Variants in DNAJB6 observed in about 807,000 individuals in gnomAD.
DNAJB6 encodes DnaJ heat shock protein family (Hsp40) member B6.
In DNAJB6, 16 loss-of-function variants were observed where a neutral mutation model predicts 42.7. The ratio of observed to expected loss-of-function variants is 0.37; its 90% CI spans 0.25 to 0.57. DNAJB6 has a LOEUF of 0.57. Among genes scored for constraint, DNAJB6 ranks in the 20% least tolerant of loss-of-function variants. The probability of loss-of-function intolerance (pLI) is 0.74; values close to 1 mark genes in which losing one functional copy is unlikely to be tolerated. For missense variants in DNAJB6, 347 were observed against 416.8 expected (o/e 0.83, Z 1.46); for synonymous variants, 170 against 163.5 (o/e 1.04, Z -0.30).
intron 9 of DNAJB6, chr7:157,413,647 C>T (rs1046878240): frequency 5.9e-5 from 9 of 152,010 alleles, no homozygotes; most frequent in African/African-American, 2.2e-4. Context: ...GTGCCCAAGG[C>T]CATGTCTGTG....
intron 5 of DNAJB6, among the ~76,000 whole-genome samples, chr7:157,370,601 A>G (rs993574274): frequency 1.3e-5 from 2 of 151,852 alleles, no homozygotes; most frequent in East Asian, 3.8e-4. Context: ...ATGTGAGTGA[A>G]TAAGTGAGTT....
chr7:157,346,153 A>G (rs1352008903), intron 1 of DNAJB6, among the ~76,000 whole-genome samples: 1 of 152,106 alleles, frequency 6.6e-6, no homozygotes, highest in East Asian at 1.9e-4. Flanking sequence ...TGGGCGGGCC[A>G]GAAGGATTCA....
At chr7:157,375,518 T>C (rs1171542931) in intron 5 of DNAJB6, among the ~76,000 whole-genome samples, 1 of 152,280 alleles carries the variant, frequency 6.6e-6, no homozygotes, top group Non-Finnish European at 1.5e-5. Context: ...TATGGGAAGC[T>C]GAAAATGGTG....
At chr7:157,360,973 T>A (rs770398930) in intron 2 of DNAJB6, among the ~76,000 whole-genome samples, 1 of 152,200 alleles carries the variant, frequency 6.6e-6, no homozygotes, top group Non-Finnish European at 1.5e-5. Flanking sequence ...ATTTTAGTAG[T>A]GTATGACTGG....
chr7:157,365,153 C>T (rs1251219613), intron 3 of DNAJB6, among the ~76,000 whole-genome samples: 3 of 152,122 alleles, frequency 2.0e-5, no homozygotes, highest in Non-Finnish European at 2.9e-5. Context: ...GGGATTTTGC[C>T]GTGTTGCCCA....
At chr7:157,337,795 A>G (rs1021269700) in intron 1 of DNAJB6, 1 of 152,186 alleles carries the variant, frequency 6.6e-6, no homozygotes, top group African/African-American at 2.4e-5. Context: ...GTTTACATTA[A>G]CTCTTACCTA....
At chr7:157,397,449 A>T (rs1018253503) in intron 8 of DNAJB6, among the ~76,000 whole-genome samples, 6 of 152,034 alleles carry the variant, frequency 3.9e-5, no homozygotes, top group Admixed American at 3.9e-4. Flanking sequence ...GGGGATGCCA[A>T]CCCCAGCAGG....
At position 157,337,021 on chromosome 7, in the gene DNAJB6, A is replaced by C. The variant is rs1039147794; in HGVS notation, c.-150A>C. On this transcript the variant is annotated 5_prime_UTR_variant, in exon 1 of 10. Transcript: ENST00000262177. ...CGCATTTCCTGTTTGTTGTTGGAGAAAGGAGAGAAAGGAAAGCGCGAGGAG... is the reference window on the plus strand; with the variant it reads ...CGCATTTCCTGTTTGTTGTTGGAGACAGGAGAGAAAGGAAAGCGCGAGGAG... The C allele has an allele frequency of 6.6e-6, 1 of 150,636 alleles. No homozygotes were observed. Among genetic ancestry groups the C allele is most frequent in the African/African-American group, 2.4e-5 (1 of 41,306 alleles). 9.3% of individuals were successfully genotyped at this position (150,636 alleles called of 1,614,324 possible).
In DNAJB6 at chr7:157,369,449, CA is replaced by C. The variant is rs112327404; in HGVS notation, c.346+1967del. 5.6e-3 allele frequency: 2,537 copies of C among 456,552 alleles called. 45 individuals are homozygous for C. The highest frequency in any genetic ancestry group is 0.047 in the African/African-American group (2,354 of 50,174). The allele number at this position is 456,552 out of a possible 1,614,324, so 28.3% of individuals were successfully genotyped here. ...GGAAGAAGGCCCGCTCTTCCAACAC[CA>C]TGGCTTCTCTTCTGGGGCACACGAG... On this transcript the variant is annotated intron_variant, in intron 5 of 9. Coordinates refer to ENST00000262177, the MANE Select transcript of DNAJB6 (RefSeq NM_058246.4).
intron 1 of DNAJB6, among the ~76,000 whole-genome samples, chr7:157,352,014 CA>C (rs1799007868): frequency 6.6e-6 from 1 of 150,428 alleles, no homozygotes; most frequent in African/African-American, 2.4e-5. Flanking sequence ...AACAAACAAA[CA>C]AACAAAAAAA....
chr7:157,388,583 T>C (rs552032587), intron 8 of DNAJB6, among the ~76,000 whole-genome samples: 95 of 151,826 alleles, frequency 6.3e-4, no homozygotes, highest in Middle Eastern at 3.4e-3. Context: ...TTTGAGATTC[T>C]TTTTTAAGTT....
intron 2 of DNAJB6, among the ~76,000 whole-genome samples, chr7:157,360,610 TA>T (rs1466290467): frequency 1.3e-5 from 2 of 152,218 alleles, no homozygotes; most frequent in African/African-American, 2.4e-5. Flanking sequence ...CTGTTACCTT[TA>T]AAAGCAGTGA....
chr7:157,393,962 T>C (rs1346372104), intron 8 of DNAJB6, among the ~76,000 whole-genome samples: 2 of 152,248 alleles, frequency 1.3e-5, no homozygotes, highest in Non-Finnish European at 2.9e-5. Context: ...CCTGTGATCA[T>C]GCGCCTTTCT....
chr7:157,415,764 C>A (rs34284464), intron 9 of DNAJB6, among the ~76,000 whole-genome samples: 1 of 151,918 alleles, frequency 6.6e-6, no homozygotes, highest in Non-Finnish European at 1.5e-5. Context: ...TTAGCTCTGC[C>A]GCTGGGCGGA....
chr7:157,355,994 A>G (rs1456190513), intron 1 of DNAJB6, among the ~76,000 whole-genome samples: 3 of 152,176 alleles, frequency 2.0e-5, no homozygotes, highest in Admixed American at 1.3e-4. Context: ...CCACCACCAT[A>G]TGCACAAACA....
At chr7:157,404,225 T>G (rs1795659950) in intron 8 of DNAJB6, among the ~76,000 whole-genome samples, 1 of 151,936 alleles carries the variant, frequency 6.6e-6, no homozygotes, top group Non-Finnish European at 1.5e-5. Context: ...GCCTCCACTT[T>G]AGCCTCCCAA....
intron 8 of DNAJB6, among the ~76,000 whole-genome samples, chr7:157,405,207 C>T (rs370638969): frequency 2.0e-5 from 3 of 152,116 alleles, no homozygotes; most frequent in South Asian, 2.1e-4. Flanking sequence ...CATACAAGGA[C>T]GTGTTGTGCA....
chr7:157,413,633 G>A (rs988213037), intron 9 of DNAJB6: 10 of 152,072 alleles, frequency 6.6e-5, no homozygotes, highest in African/African-American at 2.2e-4. Context: ...GAGCCCGCGA[G>A]CCGGTGCCCA....
intron 2 of DNAJB6, 41 bp from the exon 3 acceptor site, chr7:157,363,120 C>T (rs1284182224): frequency 3.6e-6 from 5 of 1,395,774 alleles, no homozygotes; most frequent in Non-Finnish European, 5.0e-6. Context: ...TAGTTGATTT[C>T]TGGATTTAGA....
Sources: allele counts gnomAD v4.1 joint callset (sites outside exome capture counted in the v4.1 genomes callset), GRCh38; gene constraint gnomAD v4.1.1; transcripts MANE v1.5; gene names NCBI Gene and HGNC (gene_info 2026-07-23, HGNC 2026-07-21).